RBMS3: variants seen among roughly 807,000 people sequenced by gnomAD.
RBMS3 encodes the protein RNA-binding motif, single-stranded-interacting protein 3.
Under a neutral mutation model 66.8 loss-of-function variants are expected in RBMS3, and 27 were observed. The ratio of observed to expected loss-of-function variants is 0.40; its 90% CI spans 0.30 to 0.56. The LOEUF (loss-of-function observed/expected upper bound fraction) is 0.56, where lower values mean the gene tolerates loss of function less well. Ranked by LOEUF, RBMS3 falls within the 20% of genes least tolerant of loss-of-function variation. The pLI is 0.40. For synonymous variants in RBMS3, 188 were observed against 183.0 expected, an observed-to-expected ratio of 1.03 and a Z score of -0.22; for missense variants, 513 against 549.5, an observed-to-expected ratio of 0.93 and a Z score of 0.66.
At chr3:29,394,176 CT>C (rs941994633) in intron 1 of RBMS3, among the ~76,000 whole-genome samples, 43 of 152,302 alleles carry the variant, frequency 2.8e-4, no homozygotes, top group African/African-American at 1.0e-3. Flanking sequence ...AGACTGCCCC[CT>C]GGGAATGCAT....
At chr3:29,355,081 A>G (rs1158490785) in intron 1 of RBMS3, among the ~76,000 whole-genome samples, 1 of 152,112 alleles carries the variant, frequency 6.6e-6, no homozygotes, top group African/African-American at 2.4e-5. Flanking sequence ...CCACACTCTT[A>G]TACACTGTAA....
intron 4 of RBMS3, among the ~76,000 whole-genome samples, chr3:29,627,371 A>G (rs1401030403): frequency 6.6e-6 from 1 of 151,606 alleles, no homozygotes; most frequent in African/African-American, 2.4e-5. Flanking sequence ...TTGGCATTTG[A>G]GGCTGGATAA....
chr3:29,347,093 C>T (rs888477428), intron 1 of RBMS3, among the ~76,000 whole-genome samples: 1 of 152,108 alleles, frequency 6.6e-6, no homozygotes, highest in African/African-American at 2.4e-5. Context: ...TTGGGAATTC[C>T]TTTGGTGACC....
chr3:29,506,221 A>G (rs1271176388), intron 3 of RBMS3, among the ~76,000 whole-genome samples: 2 of 151,974 alleles, frequency 1.3e-5, no homozygotes, highest in African/African-American at 4.8e-5. Context: ...GGTCCATCAT[A>G]TATGTCCTTT....
chr3:29,430,250 A>T (rs2041128020), intron 1 of RBMS3, among the ~76,000 whole-genome samples: 1 of 152,196 alleles, frequency 6.6e-6, no homozygotes, highest in South Asian at 2.1e-4. Context: ...AAGAGTTCCT[A>T]CACTGGGTGT....
In RBMS3 at chr3:29,897,339, A is replaced by G. The variant is rs1457511276; in HGVS notation, c.792-40A>G. ...GCATTTGATTAGAGGCCAGGCATGTAGCAGCTTCGTGAATCTTCCTTTTTG... is the reference window on the plus strand; with the variant it reads ...GCATTTGATTAGAGGCCAGGCATGTGGCAGCTTCGTGAATCTTCCTTTTTG... On this transcript the variant is annotated intron_variant, in intron 8 of 14. Coordinates refer to ENST00000383767, the MANE Select transcript of RBMS3 (RefSeq NM_001003793.3). 19 of 1,560,866 alleles carry G rather than the reference A, an allele frequency of 1.2e-5. No homozygotes were observed. In the Admixed American group the frequency reaches 3.0e-4, roughly 25 times the overall value.
chr3:29,709,185 G>A lies in RBMS3; in HGVS notation c.400-30535G>A, dbSNP rs893259999. ...CCCTCTAAACTCTGTCTCAGGGTTG[G>A]CTTCCCAAGGAAACCAACCTGCAGC... On this transcript the variant is annotated intron_variant, in intron 4 of 14. Coordinates refer to ENST00000383767, the MANE Select transcript of RBMS3 (RefSeq NM_001003793.3). 2.6e-5 allele frequency among the ~76,000 whole-genome samples: 4 copies of A among 152,224 alleles called. 1 individual carries two copies. Among genetic ancestry groups the A allele is most frequent in the South Asian group, 4.1e-4 (2 of 4,822 alleles).
At chr3:29,316,412 C>G (rs958143820) in intron 1 of RBMS3, among the ~76,000 whole-genome samples, 1 of 151,686 alleles carries the variant, frequency 6.6e-6, no homozygotes, top group East Asian at 1.9e-4. Flanking sequence ...AAAGATAACA[C>G]TCTTCTATGA....
At chr3:29,947,978 T>TA (rs1003468102) in intron 12 of RBMS3, among the ~76,000 whole-genome samples, 8 of 151,128 alleles carry the variant, frequency 5.3e-5, no homozygotes, top group Admixed American at 2.0e-4. Context: ...AATTTTTTTT[T>TA]AAAAAAGAAA....
chr3:29,474,508 G>A (rs2125806429), intron 2 of RBMS3, among the ~76,000 whole-genome samples: 1 of 152,308 alleles, frequency 6.6e-6, no homozygotes, highest in Non-Finnish European at 1.5e-5. Context: ...TTTCTTTTAA[G>A]TTGATTGTTT....
At chr3:29,733,181 G>A (rs1019540293) in intron 4 of RBMS3, among the ~76,000 whole-genome samples, 5 of 151,906 alleles carry the variant, frequency 3.3e-5, no homozygotes, top group Non-Finnish European at 7.4e-5. Flanking sequence ...CTTTAGAGTT[G>A]TTTCATACCT....
At chr3:29,639,775 G>A (rs185492116) in intron 4 of RBMS3, among the ~76,000 whole-genome samples, 4 of 151,880 alleles carry the variant, frequency 2.6e-5, no homozygotes, top group Admixed American at 2.0e-4. Flanking sequence ...AAGCATAACC[G>A]AAGAGCAACA....
intron 12 of RBMS3, among the ~76,000 whole-genome samples, chr3:29,973,197 C>G (rs1372132512): frequency 1.3e-5 from 2 of 152,022 alleles, no homozygotes; most frequent in Admixed American, 6.6e-5. Flanking sequence ...TATTTACAAA[C>G]CAGACTAATA....
chr3:29,768,881 A>G (rs2056054379), intron 6 of RBMS3, among the ~76,000 whole-genome samples: 1 of 151,858 alleles, frequency 6.6e-6, no homozygotes, highest in Non-Finnish European at 1.5e-5. Context: ...CAGCTTCCTG[A>G]CATCAGCTCC....
intron 4 of RBMS3, among the ~76,000 whole-genome samples, chr3:29,645,387 G>A (rs548869489): frequency 6.6e-6 from 1 of 152,272 alleles, no homozygotes; most frequent in African/African-American, 2.4e-5. Context: ...TCTCTGCCAG[G>A]GTGTCTGGTG....
In RBMS3 at chr3:29,535,001, A is replaced by G. The variant is rs546116652; in HGVS notation, c.307+46502A>G. Reference sequence around the variant, plus strand: ...TATATGGTAGCAACTGGTTTTATGGACACTGCTAAACTAAATACCAAAGGT... The same window carrying G: ...TATATGGTAGCAACTGGTTTTATGGGCACTGCTAAACTAAATACCAAAGGT... On this transcript the variant is annotated intron_variant, in intron 3 of 14. Transcript: ENST00000383767. 1.1e-4 allele frequency among the ~76,000 whole-genome samples: 16 copies of G among 152,260 alleles called. No homozygotes were observed. The East Asian group carries it at 3.1e-3, about 29-fold the overall frequency.
chr3:29,570,869 A>G (rs1359147808), intron 3 of RBMS3, among the ~76,000 whole-genome samples: 1 of 152,102 alleles, frequency 6.6e-6, no homozygotes, highest in Non-Finnish European at 1.5e-5. Flanking sequence ...ATCATATGGT[A>G]GCTCTATTTT....
chr3:29,770,588 C>T (rs1051756348), intron 6 of RBMS3, among the ~76,000 whole-genome samples: 1 of 151,948 alleles, frequency 6.6e-6, no homozygotes, highest in Non-Finnish European at 1.5e-5. Flanking sequence ...ACCTTCATAA[C>T]TTATTTCTAA....
At chr3:29,284,307 T>A (rs80187804) in intron 1 of RBMS3, among the ~76,000 whole-genome samples, 1 of 152,018 alleles carries the variant, frequency 6.6e-6, no homozygotes, top group Non-Finnish European at 1.5e-5. Flanking sequence ...AATTTTTCTC[T>A]AAATTGAGGT....
Sources: allele counts gnomAD v4.1 joint callset (sites outside exome capture counted in the v4.1 genomes callset), GRCh38; gene constraint gnomAD v4.1.1; transcripts MANE v1.5; gene names NCBI Gene and HGNC (gene_info 2026-07-23, HGNC 2026-07-21).